The following CNBP variants were observed in gnomAD, a reference collection of about 807,000 sequenced individuals.
The protein encoded by CNBP is CCHC-type zinc finger nucleic acid binding protein, also known as cellular nucleic acid-binding protein.
CNBP carries 6 observed loss-of-function variants against 21.2 expected under a neutral mutation model. The ratio of observed to expected loss-of-function variants is 0.28; its 90% CI spans 0.16 to 0.56. The LOEUF (loss-of-function observed/expected upper bound fraction) is 0.56. Ranked by LOEUF, CNBP falls within the 20% of genes least tolerant of loss-of-function variation. CNBP has a pLI of 0.93. For missense variants in CNBP, 112 were observed against 233.1 expected (o/e 0.48, Z 3.38); for synonymous variants, 61 against 74.9 (o/e 0.81, Z 0.96).
chr3:129,176,550 AAACT>A (rs1345191237), intron 1 of CNBP, among the ~76,000 whole-genome samples: 2 of 152,170 alleles, frequency 1.3e-5, no homozygotes, highest in South Asian at 2.1e-4. Context: ...CAATTTGGTG[AAACT>A]AACTGACCCA....
At chr3:129,182,738 T>C (rs1222610825) in intron 1 of CNBP, among the ~76,000 whole-genome samples, 1 of 152,308 alleles carries the variant, frequency 6.6e-6, no homozygotes, top group African/African-American at 2.4e-5. Flanking sequence ...GCAACTTAAA[T>C]AGTGTTAACT....
chr3:129,182,407 C>T (rs1263891396), intron 1 of CNBP, among the ~76,000 whole-genome samples: 1 of 152,060 alleles, frequency 6.6e-6, no homozygotes, highest in East Asian at 1.9e-4. Flanking sequence ...TTACAAGACC[C>T]CCAAGACCAG....
At chr3:129,182,741 T>C (rs1030525135) in intron 1 of CNBP, among the ~76,000 whole-genome samples, 2 of 152,170 alleles carry the variant, frequency 1.3e-5, no homozygotes, top group Non-Finnish European at 2.9e-5. Context: ...ACTTAAATAG[T>C]GTTAACTCTT....
chr3:129,176,202 G>A (rs9819322), intron 1 of CNBP, among the ~76,000 whole-genome samples: 151,490 of 152,284 alleles, frequency 0.99, 75,350 homozygotes, highest in Middle Eastern at 1. Context: ...CTCATTGCCT[G>A]TGACTGCTCC....
rs942873863 is a variant in CNBP, at chr3:129,169,837, G to A, written c.*616C>T. ...TTTAGATTTAGTCTTTGAAAATAAT[G>A]TGTTCTAAACCTTTGCCATCACCAT... On this transcript the variant is annotated 3_prime_UTR_variant, in exon 5 of 5. Coordinates refer to ENST00000422453, the MANE Select transcript of CNBP (RefSeq NM_003418.5). 4.4e-5 allele frequency: 10 copies of A among 227,496 alleles called. No individual in the cohort carries two copies. Among genetic ancestry groups the A allele is most frequent in the African/African-American group, 2.0e-4 (9 of 45,062 alleles). The allele number at this position is 227,496 out of a possible 1,614,324, so 14.1% of individuals were successfully genotyped here. A position where few individuals can be genotyped will look rare whatever the true frequency, so the allele number is the denominator to read the frequency against.
intron 1 of CNBP, among the ~76,000 whole-genome samples, chr3:129,179,067 C>CG (rs1317689216): frequency 6.6e-6 from 1 of 151,994 alleles, no homozygotes; most frequent in Non-Finnish European, 1.5e-5. Context: ...CACCAAAGGT[C>CG]GGGAGCTCAG....
chr3:129,169,057 G>A lies in CNBP; in HGVS notation c.*1396C>T, dbSNP rs1005503978. 3.3e-5 allele frequency among the ~76,000 whole-genome samples: 5 copies of A among 151,284 alleles called. No homozygotes were observed. The highest frequency in any genetic ancestry group is 2.6e-4 in the Admixed American group (4 of 15,164). ...GCGGAGCTTGCAGTGAGCCGAGATC[G>A]CACCACTACACTCCAGCCTGGGCAA... On this transcript the variant is annotated 3_prime_UTR_variant, in exon 5 of 5. Transcript: ENST00000422453.
Position 129,169,352 on chromosome 3 carries a change from T to C in CNBP, c.*1101A>G, listed in dbSNP as rs1937529429. 1 of 191,784 alleles carries C rather than the reference T, an allele frequency of 5.2e-6. No homozygotes were observed. The highest frequency in any genetic ancestry group is 8.3e-5 in the East Asian group (1 of 12,096). The allele number at this position is 191,784 out of a possible 1,614,324, so 11.9% of individuals were successfully genotyped here. On this transcript the variant is annotated 3_prime_UTR_variant, in exon 5 of 5. Coordinates refer to ENST00000422453, the MANE Select transcript of CNBP (RefSeq NM_003418.5). ...GACTGAACACAGAACTCAAGGGCAT[T>C]ATTATAACAGATTACAAAGTGAATT...
At chr3:129,180,770 T>C (rs1313736270) in intron 1 of CNBP, among the ~76,000 whole-genome samples, 1 of 151,926 alleles carries the variant, frequency 6.6e-6, no homozygotes, top group Non-Finnish European at 1.5e-5. Flanking sequence ...ATCTTTTTTT[T>C]TTTTTTTAAT....
intron 1 of CNBP, among the ~76,000 whole-genome samples, chr3:129,172,664 A>AGCCAGGCAGGCAGGCAGGCAGG (rs1937623506): frequency 8.7e-6 from 1 of 115,196 alleles, no homozygotes; most frequent in African/African-American, 3.3e-5. Context: ...AGGCAGACAG[A>AGCCAGGCAGGCAGGCAGGCAGG]CAGACAGACA....
intron 1 of CNBP, among the ~76,000 whole-genome samples, chr3:129,178,968 G>A (rs1423218167): frequency 6.6e-6 from 1 of 152,038 alleles, no homozygotes. Flanking sequence ...GGATGGCCCA[G>A]ATTCTTTTAA....
intron 1 of CNBP, among the ~76,000 whole-genome samples, chr3:129,178,422 G>T (rs1449110141): frequency 6.6e-6 from 1 of 152,104 alleles, no homozygotes; most frequent in Admixed American, 6.6e-5. Context: ...CTAATAAATA[G>T]AATGTTCATA....
intron 1 of CNBP, among the ~76,000 whole-genome samples, chr3:129,179,916 G>C (rs2107646840): frequency 6.6e-6 from 1 of 152,256 alleles, no homozygotes; most frequent in African/African-American, 2.4e-5. Context: ...TGAGGCAGGA[G>C]AATGGCTTAA....
At position 129,169,382 on chromosome 3, in the gene CNBP, A is replaced by G. The variant is rs1290448348; in HGVS notation, c.*1071T>C. 5 of 193,552 alleles carry G rather than the reference A, an allele frequency of 2.6e-5. No individual in the cohort carries two copies. The highest frequency in any genetic ancestry group is 4.3e-5 in the Non-Finnish European group (4 of 92,882). 12.0% of individuals were successfully genotyped at this position (193,552 alleles called of 1,614,324 possible). A position where few individuals can be genotyped will look rare whatever the true frequency, so the allele number is the denominator to read the frequency against. ...TAACAGATTACAAAGTGAATTTTCT[A>G]TAGCTTTGCAAAAGTATCTAAATCC... On this transcript the variant is annotated 3_prime_UTR_variant, in exon 5 of 5. Coordinates refer to ENST00000422453, the MANE Select transcript of CNBP (RefSeq NM_003418.5).
rs1432008177 is a variant in CNBP, at chr3:129,171,527, C to T, written c.136G>A (p.Val46Ile). The change falls in exon 3 of 5, where the codon GTT (valine) becomes ATT (isoleucine). Residue 46 changes from valine (V) to isoleucine (I), a missense_variant. Coordinates refer to ENST00000422453, the MANE Select transcript of CNBP (RefSeq NM_003418.5). ...GFTSDRGFQF[V>I]SSSLPDICYR... ...CAAATGTCTGGAAGAGACGAGGAAA[C>T]AAACTGGAAACCTGTTTTGAGCAAA... The T allele has an allele frequency of 6.2e-7, 1 of 1,613,942 alleles. No individual in the cohort carries two copies. Among genetic ancestry groups the T allele is most frequent in the Non-Finnish European group, 8.5e-7 (1 of 1,179,940 alleles).
chr3:129,180,483 T>G lies in CNBP; in HGVS notation c.-15+3293A>C, dbSNP rs572994410. ...CACTGTAGCACTCTCATATTCCTAA[T>G]TAACAAAATCCTTCTAATTACAACT... On this transcript the variant is annotated intron_variant, in intron 1 of 4. Transcript: ENST00000422453. 2.0e-5 allele frequency among the ~76,000 whole-genome samples: 3 copies of G among 152,366 alleles called. No individual in the cohort carries two copies. The South Asian group carries it at 6.2e-4, about 32-fold the overall frequency.
At chr3:129,182,238 G>T (rs1938349093) in intron 1 of CNBP, among the ~76,000 whole-genome samples, 1 of 152,166 alleles carries the variant, frequency 6.6e-6, no homozygotes, top group Non-Finnish European at 1.5e-5. Context: ...TTTTAAAAAT[G>T]TAATTTAAAA....
chr3:129,177,428 T>C (rs1937985003), intron 1 of CNBP, among the ~76,000 whole-genome samples: 1 of 152,234 alleles, frequency 6.6e-6, no homozygotes, highest in Non-Finnish European at 1.5e-5. Context: ...ATCTGTGTCT[T>C]ATTTGTAAAA....
intron 1 of CNBP, among the ~76,000 whole-genome samples, chr3:129,177,398 T>G (rs546573566): frequency 2.0e-5 from 3 of 152,330 alleles, no homozygotes; most frequent in African/African-American, 7.2e-5. Context: ...CTGTGTTACC[T>G]CAAAGACATC....
Sources: allele counts gnomAD v4.1 joint callset (sites outside exome capture counted in the v4.1 genomes callset), GRCh38; gene constraint gnomAD v4.1.1; transcripts MANE v1.5; gene names NCBI Gene and HGNC (gene_info 2026-07-23, HGNC 2026-07-21).